Variants in CFAP77 observed in about 807,000 individuals in gnomAD.
CFAP77 encodes cilia and flagella associated protein 77.
CFAP77 carries 25 observed loss-of-function variants against 31.1 expected under a neutral mutation model. That is an observed-to-expected ratio of 0.80 (90% CI 0.59 to 1.12). The LOEUF is 1.12. Ranked by LOEUF, CFAP77 falls within the 50% of genes most tolerant of loss-of-function variation. The pLI is 0.00. For synonymous variants in CFAP77, 151 were observed against 159.9 expected (o/e 0.94, Z 0.42); for missense variants, 377 against 397.3 (o/e 0.95, Z 0.44).
At position 132,552,011 on chromosome 9, in the gene CFAP77, C is replaced by T. The variant is rs560384089; in HGVS notation, c.732+8964C>T. Reference sequence around the variant, plus strand: ...AAGCCTCTAGACCTTGATAAAACCTCGGGCATCTTTTAAATTGCAGTTTGG... The same window carrying T: ...AAGCCTCTAGACCTTGATAAAACCTTGGGCATCTTTTAAATTGCAGTTTGG... On this transcript the variant is annotated intron_variant, in intron 5 of 5. Transcript: ENST00000393216. This position sits in a 1 kb window ranked among gnomAD's most constrained non-coding sequence, Gnocchi z 5.5. 3.3e-4 allele frequency among the ~76,000 whole-genome samples: 50 copies of T among 152,230 alleles called. No homozygotes were observed. The highest frequency in any genetic ancestry group is 6.3e-4 in the Non-Finnish European group (43 of 68,044).
At chr9:132,488,577 C>A (rs1422046058) in intron 1 of CFAP77, among the ~76,000 whole-genome samples, 42 of 152,196 alleles carry the variant, frequency 2.8e-4, no homozygotes, top group Admixed American at 2.7e-3. Context: ...TGTAAATGGG[C>A]TTTGGTGAAG....
chr9:132,492,757 C>A (rs1004115271), intron 1 of CFAP77, among the ~76,000 whole-genome samples: 2 of 152,196 alleles, frequency 1.3e-5, no homozygotes, highest in Non-Finnish European at 2.9e-5. Context: ...GGCACATGGG[C>A]AGGTGGGTGT....
intron 5 of CFAP77, among the ~76,000 whole-genome samples, chr9:132,557,691 G>A (rs575981767): frequency 9.5e-4 from 145 of 152,220 alleles, no homozygotes; most frequent in Non-Finnish European, 1.7e-3. Flanking sequence ...CATGCAAATC[G>A]AGGCCACTTG....
intron 3 of CFAP77, among the ~76,000 whole-genome samples, chr9:132,533,117 C>A (rs1362643535): frequency 6.6e-6 from 1 of 152,320 alleles, no homozygotes; most frequent in South Asian, 2.1e-4. Context: ...CTGGATGCAG[C>A]GCCTCTAGGC....
chr9:132,567,501 T>C (rs1280983326), intron 5 of CFAP77, among the ~76,000 whole-genome samples: 2 of 152,144 alleles, frequency 1.3e-5, no homozygotes, highest in Admixed American at 1.3e-4. Context: ...CTTCTTGGGG[T>C]ATGGGATGAG....
At chr9:132,417,417 T>C (rs897201854) in intron 1 of CFAP77, among the ~76,000 whole-genome samples, 2 of 152,192 alleles carry the variant, frequency 1.3e-5, no homozygotes, top group Non-Finnish European at 2.9e-5. Context: ...CTGGCCGCAG[T>C]TTTTCTTTTC....
At chr9:132,443,686 C>A (rs1850657480) in intron 1 of CFAP77, among the ~76,000 whole-genome samples, 1 of 152,168 alleles carries the variant, frequency 6.6e-6, no homozygotes, top group African/African-American at 2.4e-5. Flanking sequence ...TATGTAGTAG[C>A]AGTTTTTCAA....
intron 1 of CFAP77, among the ~76,000 whole-genome samples, chr9:132,412,900 A>G (rs1850033394): frequency 6.6e-6 from 1 of 152,014 alleles, no homozygotes; most frequent in Non-Finnish European, 1.5e-5. Flanking sequence ...GTGGCATGTC[A>G]GTTTCACCAT....
chr9:132,444,405 G>T (rs925160612), intron 1 of CFAP77, among the ~76,000 whole-genome samples: 1 of 152,234 alleles, frequency 6.6e-6, no homozygotes, highest in African/African-American at 2.4e-5. Context: ...TTATGGGCTG[G>T]ATCCATGCCA....
At chr9:132,433,534 A>G (rs1589847566) in intron 1 of CFAP77, among the ~76,000 whole-genome samples, 1 of 143,748 alleles carries the variant, frequency 7.0e-6, no homozygotes, top group Non-Finnish European at 1.5e-5. Flanking sequence ...TCCTCTCCTC[A>G]CGTGGCTATT....
chr9:132,433,021 G>A lies in CFAP77; in HGVS notation c.195+22555G>A, dbSNP rs184246051. 1.8e-3 allele frequency among the ~76,000 whole-genome samples: 270 copies of A among 151,172 alleles called. 1 individual carries two copies. The highest frequency in any genetic ancestry group is 5.7e-3 in the African/African-American group (234 of 41,124). ...GAGCCACCAAGCCCGGCCAATTTTC[G>A]TATTTTTAGTAGAGATGGGGTTTCG... On this transcript the variant is annotated intron_variant, in intron 1 of 5. Transcript: ENST00000393216.
Position 132,539,688 on chromosome 9 carries a change from C to T in CFAP77, c.630+1982C>T, listed in dbSNP as rs542529923. Among the ~76,000 whole-genome samples, 6 of 152,256 alleles carry T rather than the reference C, an allele frequency of 3.9e-5. No homozygotes were observed. Among genetic ancestry groups the T allele is most frequent in the East Asian group, 1.9e-4 (1 of 5,160 alleles). On this transcript the variant is annotated intron_variant, in intron 4 of 5. Coordinates refer to ENST00000393216, the MANE Select transcript of CFAP77 (RefSeq NM_001282957.2). The surrounding 1 kb of genome is among the most constrained non-coding windows in gnomAD (Gnocchi z 4.3). ...GGAGGCTGAGGATTTCCAGGCGTGG[C>T]GGGTGCCAGGGCCTCTCCTGGCTCT...
At chr9:132,485,599 C>G (rs1044304361) in intron 1 of CFAP77, among the ~76,000 whole-genome samples, 6 of 152,154 alleles carry the variant, frequency 3.9e-5, no homozygotes, top group Non-Finnish European at 5.9e-5. Flanking sequence ...TTGAGCACGC[C>G]CCAGCTGTGA....
chr9:132,462,390 C>T (rs1440236209), intron 1 of CFAP77, among the ~76,000 whole-genome samples: 1 of 152,178 alleles, frequency 6.6e-6, no homozygotes, highest in Non-Finnish European at 1.5e-5. Context: ...GGGACATTTT[C>T]ATAGCAGAAG....
Position 132,499,312 on chromosome 9 carries a change from T to C in CFAP77, c.296-60T>C. 2 of 1,486,752 alleles carry C rather than the reference T, an allele frequency of 1.3e-6. No homozygotes were observed. Among genetic ancestry groups the C allele is most frequent in the South Asian group, 2.3e-5 (2 of 86,044 alleles). The allele number at this position is 1,486,752 out of a possible 1,614,324, so 92.1% of individuals were successfully genotyped here. On this transcript the variant is annotated intron_variant, in intron 2 of 5. Coordinates refer to ENST00000393216, the MANE Select transcript of CFAP77 (RefSeq NM_001282957.2). This position sits in a 1 kb window ranked among gnomAD's most constrained non-coding sequence, Gnocchi z 5.4. ...GTGCCCCCATTTCTTCTCGATCAGC[T>C]GCCTCAGGGTGCTTACTCCCAGGCT... is the stretch of plus-strand genomic sequence containing the variant.
At chr9:132,417,268 C>T (rs1850121785) in intron 1 of CFAP77, among the ~76,000 whole-genome samples, 1 of 152,084 alleles carries the variant, frequency 6.6e-6, no homozygotes. Context: ...GTGCCTGCCA[C>T]CATGCCCAGC....
At position 132,564,899 on chromosome 9, in the gene CFAP77, T is replaced by C. The variant is rs533904499; in HGVS notation, c.733-7489T>C. Among the ~76,000 whole-genome samples, 40 of 152,220 alleles carry C rather than the reference T, an allele frequency of 2.6e-4. No homozygotes were observed. Among genetic ancestry groups the C allele is most frequent in the African/African-American group, 9.6e-4 (40 of 41,524 alleles). On this transcript the variant is annotated intron_variant, in intron 5 of 5. Transcript: ENST00000393216. This position sits in a 1 kb window ranked among gnomAD's most constrained non-coding sequence, Gnocchi z 4.6. ...CTGCGGTGCTGAGGAAGGGGCCTGC[T>C]GTCTGGCGGCTGGTCTCAGCTCTGC...
rs761702595 is a variant in CFAP77, at chr9:132,440,770, G to A, written c.195+30304G>A. Among the ~76,000 whole-genome samples the A allele has an allele frequency of 1.1e-4, 16 of 152,178 alleles. 1 individual carries two copies. Among genetic ancestry groups the A allele is most frequent in the Non-Finnish European group, 1.9e-4 (13 of 68,030 alleles). Reference sequence around the variant, plus strand: ...TCGTCATTTGAGAGTCCAGGGAGCCGAGGCTCAGAGAGGTGTAGGGACTTC... The same window carrying A: ...TCGTCATTTGAGAGTCCAGGGAGCCAAGGCTCAGAGAGGTGTAGGGACTTC... On this transcript the variant is annotated intron_variant, in intron 1 of 5. Coordinates refer to ENST00000393216, the MANE Select transcript of CFAP77 (RefSeq NM_001282957.2).
intron 5 of CFAP77, among the ~76,000 whole-genome samples, chr9:132,569,173 G>A (rs1829923897): frequency 6.6e-6 from 1 of 152,142 alleles, no homozygotes. Flanking sequence ...GGAGGCCAAG[G>A]GAGGAGGATC....
Sources: gnomAD v4.1 joint callset for allele counts (sites outside exome capture counted in the v4.1 genomes callset) on GRCh38, gnomAD v4.1.1 for gene constraint, Gnocchi (gnomAD v3.1) non-coding constraint, MANE v1.5 for transcripts, NCBI Gene and HGNC (gene_info 2026-07-23, HGNC 2026-07-21) for gene names.